MARCHF1: variants seen among roughly 807,000 people sequenced by gnomAD.
MARCHF1 encodes E3 ubiquitin-protein ligase MARCHF1.
Under a neutral mutation model 54.2 loss-of-function variants are expected in MARCHF1, and 40 were observed. That is an observed-to-expected ratio of 0.74 (90% CI 0.57 to 0.96). The LOEUF is 0.96. MARCHF1 is among the 40% of genes least tolerant of loss of function. The pLI is 0.00. For synonymous variants in MARCHF1, 236 were observed against 236.3 expected (o/e 1.00, Z 0.01); for missense variants, 586 against 656.5 (o/e 0.89, Z 1.17).
chr4:164,218,780 C>T (rs1248477585), intron 1 of MARCHF1, among the ~76,000 whole-genome samples: 1 of 149,448 alleles, frequency 6.7e-6, no homozygotes, highest in Non-Finnish European at 1.5e-5. Context: ...AACACACCAA[C>T]ATGGGACATG....
intron 2 of MARCHF1, among the ~76,000 whole-genome samples, chr4:164,006,324 A>T (rs1434201992): frequency 1.3e-5 from 2 of 152,182 alleles, no homozygotes; most frequent in African/African-American, 4.8e-5. Flanking sequence ...CATTTGTTGC[A>T]CTGAAGAACT....
intron 8 of MARCHF1, among the ~76,000 whole-genome samples, chr4:163,566,733 T>A (rs1273575612): frequency 1.3e-5 from 2 of 152,108 alleles, no homozygotes; most frequent in African/African-American, 2.4e-5. Flanking sequence ...AGAAGTACCT[T>A]TAGAAGTGAC....
chr4:163,946,374 A>C (rs1448412954), intron 3 of MARCHF1, among the ~76,000 whole-genome samples: 2 of 152,222 alleles, frequency 1.3e-5, no homozygotes, highest in African/African-American at 4.8e-5. Context: ...TATCCTTCCA[A>C]AATAGATCCC....
At chr4:163,884,289 T>A (rs1444766199) in intron 3 of MARCHF1, among the ~76,000 whole-genome samples, 1 of 152,154 alleles carries the variant, frequency 6.6e-6, no homozygotes, top group Admixed American at 6.6e-5. Context: ...GAAGGGATTC[T>A]GATATTAAGC....
intron 1 of MARCHF1, among the ~76,000 whole-genome samples, chr4:164,166,234 G>T (rs941690392): frequency 1.3e-5 from 2 of 151,850 alleles, no homozygotes; most frequent in African/African-American, 4.8e-5. Context: ...CTTTTCCACT[G>T]GCATCCCTAT....
chr4:164,015,889 A>C (rs548996527), intron 2 of MARCHF1, among the ~76,000 whole-genome samples: 1 of 148,636 alleles, frequency 6.7e-6, no homozygotes, highest in African/African-American at 2.5e-5. Flanking sequence ...GGAAAACAGT[A>C]TAAGTTTCCC....
intron 1 of MARCHF1, among the ~76,000 whole-genome samples, chr4:164,169,584 G>GA (rs1457625109): frequency 2.6e-5 from 4 of 152,024 alleles, no homozygotes; most frequent in African/African-American, 2.4e-5. Flanking sequence ...GTTCTTTTGG[G>GA]ATAATGGCAA....
intron 1 of MARCHF1, among the ~76,000 whole-genome samples, chr4:164,317,550 C>T (rs1448804853): frequency 2.0e-5 from 3 of 152,036 alleles, no homozygotes; most frequent in Admixed American, 1.3e-4. Context: ...AAAGAGATTC[C>T]CTAAATACCC....
intron 1 of MARCHF1, among the ~76,000 whole-genome samples, chr4:164,169,735 A>T (rs1730474204): frequency 6.6e-6 from 1 of 152,082 alleles, no homozygotes; most frequent in Admixed American, 6.6e-5. Flanking sequence ...AATTATACAA[A>T]ATCATGACCA....
intron 5 of MARCHF1, among the ~76,000 whole-genome samples, chr4:163,620,271 GC>G (rs934351309): frequency 6.6e-6 from 1 of 151,214 alleles, no homozygotes; most frequent in African/African-American, 2.4e-5. Flanking sequence ...ACCCAGTGTA[GC>G]CGAGGTGGGG....
intron 3 of MARCHF1, among the ~76,000 whole-genome samples, chr4:163,884,035 T>G (rs1326190181): frequency 1.3e-5 from 2 of 152,140 alleles, no homozygotes; most frequent in African/African-American, 4.8e-5. Context: ...TCATATGGTG[T>G]AAGATAAAGA....
intron 1 of MARCHF1, among the ~76,000 whole-genome samples, chr4:164,303,980 G>A (rs1017083476): frequency 5.9e-5 from 9 of 152,188 alleles, no homozygotes; most frequent in Non-Finnish European, 1.3e-4. Flanking sequence ...ATGCATTTAA[G>A]ATATCAAGCT....
intron 1 of MARCHF1, among the ~76,000 whole-genome samples, chr4:164,240,310 C>T (rs1311248354): frequency 6.6e-6 from 1 of 152,184 alleles, no homozygotes; most frequent in Admixed American, 6.5e-5. Flanking sequence ...GTGGGAGTAG[C>T]TTGACTATGT....
chr4:163,870,721 G>T (rs1750150888), intron 3 of MARCHF1, among the ~76,000 whole-genome samples: 2 of 152,080 alleles, frequency 1.3e-5, no homozygotes, highest in Non-Finnish European at 2.9e-5. Flanking sequence ...TATGTTAAGT[G>T]AAATAAGCCA....
intron 1 of MARCHF1, among the ~76,000 whole-genome samples, chr4:164,279,607 A>G (rs1275930559): frequency 1.3e-5 from 2 of 151,732 alleles, no homozygotes; most frequent in African/African-American, 4.8e-5. Context: ...TGATCATTGG[A>G]CATTGTATAC....
chr4:163,557,658 T>C (rs1406343918), intron 8 of MARCHF1, among the ~76,000 whole-genome samples: 1 of 152,208 alleles, frequency 6.6e-6, no homozygotes, highest in African/African-American at 2.4e-5. Context: ...TAGCCTGTCG[T>C]TTTTCTTTCC....
chr4:164,009,118 A>G (rs1579457478), intron 2 of MARCHF1, among the ~76,000 whole-genome samples: 1 of 152,096 alleles, frequency 6.6e-6, no homozygotes, highest in East Asian at 1.9e-4. Context: ...AAAACATAAA[A>G]GAATATGTAA....
At position 164,213,588 on chromosome 4, in the gene MARCHF1, C is replaced by A. The variant is rs188267207; in HGVS notation, c.-322-101926G>T. Among the ~76,000 whole-genome samples the A allele has an allele frequency of 1.4e-3, 219 of 151,956 alleles. 1 individual carries two copies. Among genetic ancestry groups the A allele is most frequent in the African/African-American group, 4.7e-3 (193 of 41,470 alleles). ...AACACATTGACTACAGACAACAAAA[C>A]AGGAATATTAATAAGATAGGTATAT... On this transcript the variant is annotated intron_variant, in intron 1 of 9. Transcript: ENST00000514618.
intron 4 of MARCHF1, among the ~76,000 whole-genome samples, chr4:163,708,175 A>G (rs7684696): frequency 0.31 from 47,369 of 150,942 alleles, 9,313 homozygotes; most frequent in Non-Finnish European, 0.45. Context: ...ACTCTTTTGA[A>G]GACCAGCTGG....
Sources: allele counts gnomAD v4.1 joint callset (sites outside exome capture counted in the v4.1 genomes callset), GRCh38; gene constraint gnomAD v4.1.1; transcripts MANE v1.5; gene names NCBI Gene and HGNC (gene_info 2026-07-23, HGNC 2026-07-21).